MXRA7: variants seen among roughly 807,000 people sequenced by gnomAD.
The protein encoded by MXRA7 is matrix remodeling associated 7, also known as matrix-remodeling-associated protein 7.
In MXRA7, 18 loss-of-function variants were observed where a neutral mutation model predicts 17.4. That is an observed-to-expected ratio of 1.03 (90% CI 0.71 to 1.53). The LOEUF is 1.53. Among genes scored for constraint, MXRA7 ranks in the 40% most tolerant of loss-of-function variants. The pLI, the probability that MXRA7 is intolerant of heterozygous loss-of-function variation, is 0.00. For synonymous variants in MXRA7, 70 were observed against 101.7 expected, an observed-to-expected ratio of 0.69 and a Z score of 1.87; for missense variants, 141 against 209.3, an observed-to-expected ratio of 0.67 and a Z score of 2.01.
intron 1 of MXRA7, 47 bp downstream of exon 1, chr17:76,710,539 GGGGAACGGCAGCGGCAGCC>G (rs1388178834): frequency 3.3e-6 from 4 of 1,198,010 alleles, no homozygotes; most frequent in African/African-American, 3.2e-5. Flanking sequence ...CTGGCTCGGC[GGGGAACGGCAGCGGCAGCC>G]GGAGCCCCGG....
Position 76,685,098 on chromosome 17 carries a change from G to A in MXRA7, c.474C>T (p.Thr158=). 1 of 1,614,004 alleles carries A rather than the reference G, an allele frequency of 6.2e-7. No individual in the cohort carries two copies. The highest frequency in any genetic ancestry group is 8.5e-7 in the Non-Finnish European group (1 of 1,179,960). ...LRGNQYKKMM[T]KEELEEEQRT... ...TCTGCTCCTCCTCCAGCTCCTCTTTGGTCATCATCTTCTTGTACTGGTTTC... is the reference window on the plus strand; with the variant it reads ...TCTGCTCCTCCTCCAGCTCCTCTTTAGTCATCATCTTCTTGTACTGGTTTC... The change falls in exon 3 of 4, where the codon ACC becomes ACT. Residue 158 remains threonine, a synonymous_variant. Coordinates refer to ENST00000449428, the MANE Select transcript of MXRA7 (RefSeq NM_198530.4).
intron 1 of MXRA7, among the ~76,000 whole-genome samples, chr17:76,693,475 CAA>C (rs59677254): frequency 4.9e-4 from 48 of 98,604 alleles, no homozygotes; most frequent in East Asian, 2.1e-3. Flanking sequence ...AGATCTGTCT[CAA>C]AAAAAAAAAA....
At chr17:76,690,484 A>C (rs2076468767) in intron 1 of MXRA7, among the ~76,000 whole-genome samples, 2 of 151,824 alleles carry the variant, frequency 1.3e-5, no homozygotes, top group Admixed American at 1.3e-4. Flanking sequence ...CTGAGGTGGG[A>C]GGGCTGCTTG....
chr17:76,701,144 CA>C (rs1243516697), intron 1 of MXRA7, among the ~76,000 whole-genome samples: 1 of 151,754 alleles, frequency 6.6e-6, no homozygotes, highest in African/African-American at 2.4e-5. Flanking sequence ...AAGAGCCTGG[CA>C]GGGGTGGGGA....
downstream of MXRA7, chr17:76,677,009 T>A (rs572340922): frequency 6.6e-6 from 1 of 152,094 alleles, no homozygotes; most frequent in East Asian, 2.0e-4. Flanking sequence ...GAGTGTAGTA[T>A]TGGCCGGGCA....
At chr17:76,694,158 G>A (rs953548768) in intron 1 of MXRA7, among the ~76,000 whole-genome samples, 8 of 152,222 alleles carry the variant, frequency 5.3e-5, no homozygotes, top group African/African-American at 1.4e-4. Flanking sequence ...TGGGACCAGA[G>A]CAGTGAGCTG....
chr17:76,704,441 G>A (rs1031356793), intron 1 of MXRA7, among the ~76,000 whole-genome samples: 7 of 149,976 alleles, frequency 4.7e-5, no homozygotes, highest in Non-Finnish European at 1.0e-4. Flanking sequence ...TCCTGACCTC[G>A]TGATCCGCCC....
chr17:76,704,857 G>C lies in MXRA7; in HGVS notation c.342+5748C>G, dbSNP rs1033432059. ...CCTTAGAGAAGGGGCTTCTGAACCT[G>C]ACCTCCTCATCCTGTTCCATACATC... is the stretch of plus-strand genomic sequence containing the variant. On this transcript the variant is annotated intron_variant, in intron 1 of 3. Coordinates refer to ENST00000449428, the MANE Select transcript of MXRA7 (RefSeq NM_198530.4). 7.3e-5 allele frequency among the ~76,000 whole-genome samples: 11 copies of C among 150,752 alleles called. No homozygotes were observed. The South Asian group carries it at 8.4e-4, about 11-fold the overall frequency.
At chr17:76,687,479 G>A (rs552902202) in intron 2 of MXRA7, among the ~76,000 whole-genome samples, 1 of 152,334 alleles carries the variant, frequency 6.6e-6, no homozygotes, top group South Asian at 2.1e-4. Context: ...GCCAACAAAC[G>A]CTGACATCTT....
chr17:76,687,884 G>C (rs996458541), intron 2 of MXRA7, among the ~76,000 whole-genome samples: 1 of 152,204 alleles, frequency 6.6e-6, no homozygotes, highest in Admixed American at 6.5e-5. Context: ...GAGGGGCCCC[G>C]GGATGGGAAA....
rs1444655515 is a variant in MXRA7, at chr17:76,706,426, C to CAAAGGACCACACTGCCATCAA, written c.342+4158_342+4178dup. On this transcript the variant is annotated intron_variant, in intron 1 of 3. Transcript: ENST00000449428. Reference sequence around the variant, plus strand: ...GTCACAGAGGCCCACACTGCCATCACAAAGGACCACACTGCCATCAAAAAG... The same window carrying CAAAGGACCACACTGCCATCAA: ...GTCACAGAGGCCCACACTGCCATCACAAAGGACCACACTGCCATCAAAAAGGACCACACTGCCATCAAAAAG... 2.1e-4 allele frequency among the ~76,000 whole-genome samples: 30 copies of CAAAGGACCACACTGCCATCAA among 145,784 alleles called. 1 individual carries two copies. Among genetic ancestry groups the CAAAGGACCACACTGCCATCAA allele is most frequent in the East Asian group, 1.0e-3 (5 of 4,816 alleles).
At chr17:76,678,177 A>C (rs986913856), downstream of MXRA7, among the ~76,000 whole-genome samples, 1 of 152,206 alleles carries the variant, frequency 6.6e-6, no homozygotes, top group Non-Finnish European at 1.5e-5. Flanking sequence ...GGAGCATACA[A>C]GTGTGTGCAA....
At chr17:76,690,020 A>G (rs545696077) in intron 1 of MXRA7, 4 of 150,088 alleles carry the variant, frequency 2.7e-5, no homozygotes, top group African/African-American at 7.5e-5. Context: ...AAAAAAAGAA[A>G]AAAAAAAAAA....
chr17:76,707,567 G>C (rs1214271692), intron 1 of MXRA7, among the ~76,000 whole-genome samples: 1 of 152,102 alleles, frequency 6.6e-6, no homozygotes, highest in Non-Finnish European at 1.5e-5. Flanking sequence ...GCCTCCCAAA[G>C]TGCTGGGATT....
intron 1 of MXRA7, among the ~76,000 whole-genome samples, chr17:76,704,034 C>T (rs896049811): frequency 4.0e-5 from 6 of 149,966 alleles, no homozygotes; most frequent in African/African-American, 1.5e-4. Flanking sequence ...ACCCGGGAGG[C>T]GGAGGTTGCG....
chr17:76,677,331 G>A, downstream of MXRA7: 1 of 396,474 alleles, frequency 2.5e-6, no homozygotes, highest in Non-Finnish European at 4.5e-6. Flanking sequence ...GAGGGCCTCA[G>A]AGCCCAATAA....
chr17:76,705,291 CA>C (rs1294369830), intron 1 of MXRA7, among the ~76,000 whole-genome samples: 1 of 152,096 alleles, frequency 6.6e-6, no homozygotes, highest in Non-Finnish European at 1.5e-5. Flanking sequence ...AACAACTTTA[CA>C]AAAAAATACC....
Position 76,680,884 on chromosome 17 carries a change from A to G in MXRA7, c.501-5T>C. On this transcript the variant is annotated splice_region_variant and splice_polypyrimidine_tract_variant and intron_variant, in intron 3 of 3. Coordinates refer to ENST00000449428, the MANE Select transcript of MXRA7 (RefSeq NM_198530.4). The stretch of plus-strand genomic sequence containing the variant: ...TAACTTCGTTATTCTTCAGTTCTGT[A>G]AAGAGAAATGGGGAGAAAAAGATAA... The G allele has an allele frequency of 3.1e-6, 5 of 1,602,408 alleles. No homozygotes were observed. Among genetic ancestry groups the G allele is most frequent in the Non-Finnish European group, 1.7e-6 (2 of 1,171,146 alleles).
intron 1 of MXRA7, among the ~76,000 whole-genome samples, chr17:76,709,061 G>A (rs1280217029): frequency 6.6e-6 from 1 of 152,148 alleles, no homozygotes; most frequent in African/African-American, 2.4e-5. Flanking sequence ...TGTGCTGAGA[G>A]CCGAAAGCCT....
Sources: gnomAD v4.1 joint callset for allele counts (sites outside exome capture counted in the v4.1 genomes callset) on GRCh38, gnomAD v4.1.1 for gene constraint, MANE v1.5 for transcripts, NCBI Gene and HGNC (gene_info 2026-07-23, HGNC 2026-07-21) for gene names.